GLRX3: variants seen among roughly 807,000 people sequenced by gnomAD.
GLRX3 encodes the protein glutaredoxin-3.
In GLRX3, 22 loss-of-function variants were observed where a neutral mutation model predicts 49.5. That is an observed-to-expected ratio of 0.44 (90% CI 0.32 to 0.63). The LOEUF (loss-of-function observed/expected upper bound fraction) is 0.63. Ranked by LOEUF, GLRX3 falls within the 30% of genes least tolerant of loss-of-function variation. The pLI is 0.05. For synonymous variants in GLRX3, 133 were observed against 140.0 expected (o/e 0.95, Z 0.35); for missense variants, 385 against 396.3 (o/e 0.97, Z 0.24).
chr10:130,151,806 G>T (rs990010224), intron 2 of GLRX3, among the ~76,000 whole-genome samples: 2 of 152,094 alleles, frequency 1.3e-5, no homozygotes, highest in Non-Finnish European at 2.9e-5. Context: ...CAGAGACCAG[G>T]ATTGCAACCC....
rs145104446 is a variant in GLRX3 at position 130,175,437 on chromosome 10, G to A, written c.957+348G>A. 5.5e-3 allele frequency among the ~76,000 whole-genome samples: 842 copies of A among 152,350 alleles called. 9 individuals are homozygous for A. The highest frequency in any genetic ancestry group is 0.019 in the African/African-American group (784 of 41,588). ...ACTCATCTGCCCTTGGGTGCATGGAGTGACAGCAGTGTGAGGCCTGTGGCC... is the reference window on the plus strand; with the variant it reads ...ACTCATCTGCCCTTGGGTGCATGGAATGACAGCAGTGTGAGGCCTGTGGCC... On this transcript the variant is annotated intron_variant, in intron 10 of 10. Coordinates refer to ENST00000331244, the MANE Select transcript of GLRX3 (RefSeq NM_006541.5).
intron 10 of GLRX3, among the ~76,000 whole-genome samples, chr10:130,179,132 C>G (rs1010206448): frequency 6.6e-5 from 10 of 152,194 alleles, no homozygotes; most frequent in South Asian, 2.1e-4. Context: ...GCCACCACAC[C>G]TGGCCAAGAA....
chr10:130,166,873 G>A (rs781629526), intron 5 of GLRX3, 46 bp from the exon 6 acceptor site: 1 of 1,223,408 alleles, frequency 8.2e-7, no homozygotes. Flanking sequence ...GGAGATTTAT[G>A]TTATAATAAT....
chr10:130,180,095 C>CTTTT (rs36013250), downstream of GLRX3: 2 of 147,502 alleles, frequency 1.4e-5, no homozygotes, highest in Non-Finnish European at 1.5e-5. Context: ...AGCATCACTA[C>CTTTT]TTTTTTTTTT....
At chr10:130,170,330 A>G (rs1862780118) in intron 7 of GLRX3, among the ~76,000 whole-genome samples, 1 of 152,274 alleles carries the variant, frequency 6.6e-6, no homozygotes, top group East Asian at 1.9e-4. Context: ...TGACATGGAG[A>G]ACCACTTTGC....
At chr10:130,142,041 G>A (rs1862185045) in intron 1 of GLRX3, among the ~76,000 whole-genome samples, 1 of 152,162 alleles carries the variant, frequency 6.6e-6, no homozygotes, top group South Asian at 2.1e-4. Flanking sequence ...AGTCTCTGCC[G>A]TGGACCTGAG....
chr10:130,176,816 T>G (rs1862933379), intron 10 of GLRX3, among the ~76,000 whole-genome samples: 1 of 148,966 alleles, frequency 6.7e-6, no homozygotes, highest in East Asian at 2.0e-4. Context: ...ATAGTCTTAT[T>G]TTTGTAAGAC....
At chr10:130,168,928 T>TATATAAA (rs1315262020) in intron 6 of GLRX3, among the ~76,000 whole-genome samples, 1 of 152,242 alleles carries the variant, frequency 6.6e-6, no homozygotes, top group Non-Finnish European at 1.5e-5. Context: ...TTTGAAAGAC[T>TATATAAA]ATATAAAATA....
intron 2 of GLRX3, among the ~76,000 whole-genome samples, chr10:130,150,200 A>G (rs1186209964): frequency 6.7e-6 from 1 of 149,428 alleles, no homozygotes; most frequent in African/African-American, 2.5e-5. Flanking sequence ...AGACCACACC[A>G]CTGCATTCCA....
intron 7 of GLRX3, among the ~76,000 whole-genome samples, chr10:130,170,708 G>A (rs1190065308): frequency 6.6e-6 from 1 of 152,068 alleles, no homozygotes; most frequent in Non-Finnish European, 1.5e-5. Flanking sequence ...TGGAAACAAT[G>A]TTATTGGGGC....
At chr10:130,149,620 T>G (rs1862333841) in intron 2 of GLRX3, among the ~76,000 whole-genome samples, 1 of 152,178 alleles carries the variant, frequency 6.6e-6, no homozygotes, top group Non-Finnish European at 1.5e-5. Context: ...TGTCATTTAA[T>G]TAATTGTTTG....
At position 130,136,452 on chromosome 10, in the gene GLRX3, C is replaced by A. The variant is rs938063217; in HGVS notation, c.32C>A (p.Ala11Glu). The A allele has an allele frequency of 7.9e-7, 1 of 1,262,332 alleles. No homozygotes were observed. The highest frequency in any genetic ancestry group is 3.6e-5 in the South Asian group (1 of 27,902). 78.2% of individuals were successfully genotyped at this position (1,262,332 alleles called of 1,614,324 possible). A position where few individuals can be genotyped will look rare whatever the true frequency, so the allele number is the denominator to read the frequency against. ...GCGGGGGCGGCTGAGGCAGCTGTAG[C>A]GGCCGTGGAGGAGGTCGGCTCAGCC... Reference protein sequence around the residue: MAAGAAEAAVAAVEEVGSAGQ... With the variant: MAAGAAEAAVEAVEEVGSAGQ... Residue 11 changes from alanine to glutamate, a missense_variant, in exon 1 of 11, where the codon GCG becomes GAG. This residue lies in a region of GLRX3 where 374 missense variants were observed against 358.6 expected (regional missense o/e 1.04). Transcript: ENST00000331244.
At position 130,145,310 on chromosome 10, in the gene GLRX3, AT is replaced by A; in HGVS notation, c.195del (p.Phe65LeufsTer2). The A allele has an allele frequency of 7.4e-7, 1 of 1,360,452 alleles. No individual in the cohort carries two copies. The highest frequency in any genetic ancestry group is 1.1e-6 in the Non-Finnish European group (1 of 948,698). 84.3% of individuals were successfully genotyped at this position (1,360,452 alleles called of 1,614,324 possible). On this transcript the variant is annotated frameshift_variant, in exon 2 of 11. Coordinates refer to ENST00000331244, the MANE Select transcript of GLRX3 (RefSeq NM_006541.5). LOFTEE classifies it high-confidence loss of function. ...ELAKELPQVS[F>X]VKLEAEGVPE... ...TAGCTAAAGAACTCCCTCAAGTTTCATTTGTGAAGGTATTTATATTTCAATG... is the reference window on the plus strand; with the variant it reads ...TAGCTAAAGAACTCCCTCAAGTTTCATTGTGAAGGTATTTATATTTCAATG...
At position 130,136,515 on chromosome 10, in the gene GLRX3, A is replaced by G; in HGVS notation, c.92+3A>G. Reference sequence around the variant, plus strand: ...GAGCTGCTGCGCCTCAAAGCCAAGTAAGCGGGGCGGCGAGCGGTAGGAGTG... The same window carrying G: ...GAGCTGCTGCGCCTCAAAGCCAAGTGAGCGGGGCGGCGAGCGGTAGGAGTG... On this transcript the variant is annotated splice_donor_region_variant and intron_variant, in intron 1 of 10. Coordinates refer to ENST00000331244, the MANE Select transcript of GLRX3 (RefSeq NM_006541.5). 1 of 1,262,516 alleles carries G rather than the reference A, an allele frequency of 7.9e-7. No individual in the cohort carries two copies. The highest frequency in any genetic ancestry group is 1.0e-6 in the Non-Finnish European group (1 of 996,602). The allele number at this position is 1,262,516 out of a possible 1,614,324, so 78.2% of individuals were successfully genotyped here.
chr10:130,141,351 G>A (rs1336140650), intron 1 of GLRX3, among the ~76,000 whole-genome samples: 1 of 152,012 alleles, frequency 6.6e-6, no homozygotes, highest in Non-Finnish European at 1.5e-5. Context: ...TGGTATCCCA[G>A]CTTTAAAAAG....
Position 130,166,779 on chromosome 10 carries a change from A to G in GLRX3, c.651+100A>G, listed in dbSNP as rs980388769. 40 of 962,354 alleles carry G rather than the reference A, an allele frequency of 4.2e-5. 1 individual carries two copies. In the Admixed American group the frequency reaches 6.5e-4, roughly 16 times the overall value. 59.6% of individuals were successfully genotyped at this position (962,354 alleles called of 1,614,324 possible). The stretch of plus-strand genomic sequence containing the variant: ...TAAGATACAAATTTCTTATGAATCT[A>G]TATTTACTAATAAGAACCTGCAATG... On this transcript the variant is annotated intron_variant, in intron 5 of 10. Transcript: ENST00000331244.
At chr10:130,172,082 A>G (rs189114955) in intron 8 of GLRX3, among the ~76,000 whole-genome samples, 46 of 152,334 alleles carry the variant, frequency 3.0e-4, no homozygotes, top group African/African-American at 1.1e-3. Context: ...TGTTTTGTGA[A>G]TGCCTTAACT....
At chr10:130,154,573 T>C (rs1862439502) in intron 2 of GLRX3, among the ~76,000 whole-genome samples, 1 of 152,198 alleles carries the variant, frequency 6.6e-6, no homozygotes, top group Non-Finnish European at 1.5e-5. Context: ...TATTTTTTTT[T>C]TTTTAATATC....
chr10:130,158,780 C>CT (rs34188460), intron 2 of GLRX3, among the ~76,000 whole-genome samples: 1 of 151,868 alleles, frequency 6.6e-6, no homozygotes, highest in Non-Finnish European at 1.5e-5. Context: ...TCTTTTTGTT[C>CT]TTTTTTCAGA....
Sources: gnomAD v4.1 joint callset for allele counts (sites outside exome capture counted in the v4.1 genomes callset) on GRCh38, gnomAD v4.1.1 for gene constraint, gnomAD v4.1.1 regional missense constraint, MANE v1.5 for transcripts, NCBI Gene and HGNC (gene_info 2026-07-23, HGNC 2026-07-21) for gene names.